SNRNP48: variants seen among roughly 807,000 people sequenced by gnomAD.
SNRNP48 encodes the protein U11/U12 small nuclear ribonucleoprotein 48 kDa protein.
In SNRNP48, 43 loss-of-function variants were observed where a neutral mutation model predicts 47.0. The observed-to-expected ratio is 0.92, with a 90% CI of 0.72 to 1.18. The LOEUF (loss-of-function observed/expected upper bound fraction) is 1.18. Among genes scored for constraint, SNRNP48 ranks in the 50% most tolerant of loss-of-function variants. The pLI is 0.00. For synonymous variants in SNRNP48, 138 were observed against 144.0 expected, an observed-to-expected ratio of 0.96 and a Z score of 0.30; for missense variants, 396 against 422.2, an observed-to-expected ratio of 0.94 and a Z score of 0.54.
rs1026781741 is a variant in SNRNP48 at position 7,601,541 on chromosome 6, A to G, written c.595+17A>G. Reference sequence around the variant, plus strand: ...TCAATCAAGGTTTGAGATGCACATCATGGCTTTACATTTCTTCATTATCAT... The same window carrying G: ...TCAATCAAGGTTTGAGATGCACATCGTGGCTTTACATTTCTTCATTATCAT... On this transcript the variant is annotated intron_variant, in intron 5 of 8. Coordinates refer to ENST00000342415, the MANE Select transcript of SNRNP48 (RefSeq NM_152551.4). The G allele has an allele frequency of 1.3e-6, 2 of 1,536,540 alleles. No homozygotes were observed. Among genetic ancestry groups the G allele is most frequent in the African/African-American group, 1.4e-5 (1 of 70,992 alleles).
intron 4 of SNRNP48, among the ~76,000 whole-genome samples, chr6:7,596,215 A>G (rs1759902283): frequency 6.6e-6 from 1 of 152,116 alleles, no homozygotes; most frequent in African/African-American, 2.4e-5. Flanking sequence ...TCATTGAGCC[A>G]AGATTGCACC....
chr6:7,594,125 C>T lies in SNRNP48; in HGVS notation c.297C>T (p.Phe99=). 2 of 1,421,330 alleles carry T rather than the reference C, an allele frequency of 1.4e-6. No individual in the cohort carries two copies. Among genetic ancestry groups the T allele is most frequent in the East Asian group, 2.5e-5 (1 of 40,090 alleles). 88.0% of individuals were successfully genotyped at this position (1,421,330 alleles called of 1,614,324 possible). A position where few individuals can be genotyped will look rare whatever the true frequency, so the allele number is the denominator to read the frequency against. ...ATGAAATGTATAATCCTGAGTTTTTCTATGAAAATGTGAAGATACCTTCGA... is the reference window on the plus strand; with the variant it reads ...ATGAAATGTATAATCCTGAGTTTTTTTATGAAAATGTGAAGATACCTTCGA... ...EEDEMYNPEF[F]YENVKIPSIT... The change falls in exon 3 of 9, where the codon TTC becomes TTT. Residue 99 remains phenylalanine, a synonymous_variant. Transcript: ENST00000342415.
intron 1 of SNRNP48, among the ~76,000 whole-genome samples, chr6:7,592,778 T>C (rs1759841224): frequency 6.6e-6 from 1 of 151,832 alleles, no homozygotes; most frequent in African/African-American, 2.4e-5. Flanking sequence ...AGTCAGGAGA[T>C]GGTGTTGTAT....
chr6:7,607,910 T>C (rs1309791654), intron 8 of SNRNP48, among the ~76,000 whole-genome samples: 1 of 152,236 alleles, frequency 6.6e-6, no homozygotes, highest in African/African-American at 2.4e-5. Context: ...TTAGTCCTTT[T>C]CTTATACAAA....
At position 7,605,434 on chromosome 6, in the gene SNRNP48, C is replaced by A; in HGVS notation, c.754C>A (p.Leu252Ile). The change falls in exon 7 of 9, where the codon CTC (leucine) becomes ATC (isoleucine). Residue 252 changes from leucine to isoleucine, a missense_variant. By Grantham distance (5) the Leu-to-Ile change is conservative. Coordinates refer to ENST00000342415, the MANE Select transcript of SNRNP48 (RefSeq NM_152551.4). The part of the protein sequence containing the change: ...RDVINVHMEE[L>I]SNHWQEEQEK... ...TGTGATAAATGTGCACATGGAAGAACTCAGCAATCATTGGCAAGAAGAGCA... is the reference window on the plus strand; with the variant it reads ...TGTGATAAATGTGCACATGGAAGAAATCAGCAATCATTGGCAAGAAGAGCA... 1 of 1,614,094 alleles carries A rather than the reference C, an allele frequency of 6.2e-7. No homozygotes were observed.
At chr6:7,599,618 G>A (rs1010975337) in intron 4 of SNRNP48, 5 of 1,042,022 alleles carry the variant, frequency 4.8e-6, no homozygotes, top group South Asian at 2.9e-5. Context: ...TCTATGTTCC[G>A]AATGAATTGA....
chr6:7,592,867 T>C (rs1030086891), intron 1 of SNRNP48, among the ~76,000 whole-genome samples: 1 of 152,092 alleles, frequency 6.6e-6, no homozygotes, highest in African/African-American at 2.4e-5. Context: ...TTCAGAAATA[T>C]TTAGGAGTTA....
At chr6:7,602,137 G>A (rs574000744) in intron 5 of SNRNP48, among the ~76,000 whole-genome samples, 1 of 152,142 alleles carries the variant, frequency 6.6e-6, no homozygotes, top group South Asian at 2.1e-4. Context: ...TACAACGTGA[G>A]CCACTGTACC....
rs1378830265 is a variant in SNRNP48 at position 7,601,364 on chromosome 6, TC to T, written c.437del (p.Pro146LeufsTer2). 6.3e-7 allele frequency: 1 copy of T among 1,576,778 alleles called. No individual in the cohort carries two copies. Among genetic ancestry groups the T allele is most frequent in the African/African-American group, 1.4e-5 (1 of 72,254 alleles). ...RIYSSLPVEV[P>X]LNHKRFVCDL... is the part of the protein sequence containing the mutation. Reference sequence around the variant, plus strand: ...TTTATTCTTCATTGCCTGTTGAAGTTCCTTTGAATCACAAACGGTTTGTTTG... The same window carrying T: ...TTTATTCTTCATTGCCTGTTGAAGTTCTTTGAATCACAAACGGTTTGTTTG... On this transcript the variant is annotated frameshift_variant, in exon 5 of 9. Coordinates refer to ENST00000342415, the MANE Select transcript of SNRNP48 (RefSeq NM_152551.4). LOFTEE classifies it high-confidence loss of function.
At chr6:7,604,488 G>A (rs532592398) in intron 6 of SNRNP48, among the ~76,000 whole-genome samples, 1 of 152,182 alleles carries the variant, frequency 6.6e-6, no homozygotes, top group Non-Finnish European at 1.5e-5. Flanking sequence ...GGCTCTGAAG[G>A]CTTCATTAAG....
intron 8 of SNRNP48, among the ~76,000 whole-genome samples, chr6:7,608,280 G>A (rs1056153189): frequency 6.6e-6 from 1 of 152,156 alleles, no homozygotes; most frequent in Non-Finnish European, 1.5e-5. Context: ...AGACAGGCCG[G>A]GCGTGGTGGC....
intron 3 of SNRNP48, among the ~76,000 whole-genome samples, chr6:7,594,464 T>C (rs1759869320): frequency 6.6e-6 from 1 of 152,194 alleles, no homozygotes; most frequent in African/African-American, 2.4e-5. Context: ...AGACTGAAGA[T>C]GGACATGTGT....
At chr6:7,597,430 C>A (rs1393248265) in intron 4 of SNRNP48, among the ~76,000 whole-genome samples, 1 of 152,114 alleles carries the variant, frequency 6.6e-6, no homozygotes, top group Non-Finnish European at 1.5e-5. Context: ...TTTGTGTAAA[C>A]CTGTTTTAAA....
chr6:7,606,254 GTTCT>G (rs1487971703), intron 8 of SNRNP48, 59 bp downstream of exon 8: 1 of 1,477,518 alleles, frequency 6.8e-7, no homozygotes, highest in Non-Finnish European at 9.1e-7. Flanking sequence ...AATAGAACAG[GTTCT>G]TCTGTTGTAG....
intron 4 of SNRNP48, among the ~76,000 whole-genome samples, chr6:7,597,921 A>G (rs1400685691): frequency 1.5e-5 from 2 of 129,638 alleles, no homozygotes; most frequent in East Asian, 4.5e-4. Flanking sequence ...GCTGGAGTTT[A>G]GTGGCACAAT....
At chr6:7,597,722 T>A (rs1336838014) in intron 4 of SNRNP48, among the ~76,000 whole-genome samples, 1 of 152,168 alleles carries the variant, frequency 6.6e-6, no homozygotes, top group Non-Finnish European at 1.5e-5. Context: ...GATTTGGACA[T>A]TGAGCTTAGT....
In SNRNP48 at chr6:7,610,178, A is replaced by T. The variant is rs150250166; in HGVS notation, c.*1305A>T. 6.6e-6 allele frequency: 1 copy of T among 152,324 alleles called. No individual in the cohort carries two copies. Among genetic ancestry groups the T allele is most frequent in the African/African-American group, 2.4e-5 (1 of 41,576 alleles). The allele number at this position is 152,324 out of a possible 1,614,324, so 9.4% of individuals were successfully genotyped here. A position where few individuals can be genotyped will look rare whatever the true frequency, so the allele number is the denominator to read the frequency against. Reference sequence around the variant, plus strand: ...CCGACATCTAAATAGCAATATTTTGAATACTGGAAACTCAGGTTAAAGATT... The same window carrying T: ...CCGACATCTAAATAGCAATATTTTGTATACTGGAAACTCAGGTTAAAGATT... On this transcript the variant is annotated 3_prime_UTR_variant, in exon 9 of 9. Transcript: ENST00000342415.
chr6:7,591,733 C>G (rs1759822407), intron 1 of SNRNP48, among the ~76,000 whole-genome samples: 1 of 152,156 alleles, frequency 6.6e-6, no homozygotes. Flanking sequence ...CAAAATAACC[C>G]TATGAGGTAG....
At chr6:7,601,785 A>G (rs537098472) in intron 5 of SNRNP48, among the ~76,000 whole-genome samples, 1 of 152,312 alleles carries the variant, frequency 6.6e-6, no homozygotes, top group South Asian at 2.1e-4. Flanking sequence ...TATTCTTGTC[A>G]TAATTCCATA....
Sources: gnomAD v4.1 joint callset for allele counts (sites outside exome capture counted in the v4.1 genomes callset) on GRCh38, gnomAD v4.1.1 for gene constraint, MANE v1.5 for transcripts, NCBI Gene and HGNC (gene_info 2026-07-23, HGNC 2026-07-21) for gene names.